The following ZNF717 variants were observed in gnomAD, a reference collection of about 807,000 sequenced individuals.
ZNF717 encodes zinc finger protein 717.
In ZNF717, 9 loss-of-function variants were observed where a neutral mutation model predicts 13.8. The observed-to-expected ratio is 0.65, with a 90% CI of 0.39 to 1.14. ZNF717 has a LOEUF of 1.14. ZNF717 is among the 50% of genes most tolerant of loss of function. The probability of loss-of-function intolerance (pLI) is 0.01; values close to 1 mark genes in which losing one functional copy is unlikely to be tolerated. For synonymous variants in ZNF717, 327 were observed against 364.1 expected (o/e 0.90, Z 1.16); for missense variants, 1,040 against 1,080.7 (o/e 0.96, Z 0.53).
At chr3:75,730,888 T>C (rs80161091), downstream of ZNF717, among the ~76,000 whole-genome samples, 1 of 152,246 alleles carries the variant, frequency 6.6e-6, no homozygotes, top group Non-Finnish European at 1.5e-5. Flanking sequence ...ATTGTCCACA[T>C]AGGCATTAAG....
downstream of ZNF717, among the ~76,000 whole-genome samples, chr3:75,728,594 GATA>G (rs139851904): frequency 0.35 from 52,961 of 150,644 alleles, 4,145 homozygotes; most frequent in South Asian, 0.49. Context: ...CTGTTCTCAT[GATA>G]ATGAGTCACA....
chr3:75,706,532 G>T (rs1937806150), downstream of ZNF717, among the ~76,000 whole-genome samples: 1 of 152,312 alleles, frequency 6.6e-6, no homozygotes, highest in Admixed American at 6.5e-5. Flanking sequence ...GCCTCACAGA[G>T]GAGGTGAGAA....
intron 2 of ZNF717, among the ~76,000 whole-genome samples, chr3:75,778,174 G>GC (rs1944484415): frequency 6.6e-6 from 1 of 151,636 alleles, no homozygotes; most frequent in African/African-American, 2.4e-5. Flanking sequence ...GGAGTGACCT[G>GC]CTAAACTAGA....
rs879214068 is a variant in ZNF717, at chr3:75,738,199, C to G, written c.1424G>C (p.Gly475Ala). 1 of 1,560,400 alleles carries G rather than the reference C, an allele frequency of 6.4e-7. No homozygotes were observed. The highest frequency in any genetic ancestry group is 2.4e-5 in the East Asian group (1 of 41,666). ...TTCATTGCATTCATAGGGTTTTTCCCCTGTGTGAGTTCTCTGATGTAACCT... is the reference window on the plus strand; with the variant it reads ...TTCATTGCATTCATAGGGTTTTTCCGCTGTGTGAGTTCTCTGATGTAACCT... ...NLRLHQRTHTGEKPYECNECG... is the reference protein window; with the variant it reads ...NLRLHQRTHTAEKPYECNECG... The change falls in exon 5 of 5, where the codon GGG becomes GCG. Residue 475 changes from glycine (G) to alanine (A), a missense_variant. By Grantham distance (60) the Gly-to-Ala change is moderately conservative. This residue lies in a region of ZNF717 where 873 missense variants were observed against 832.8 expected (regional missense o/e 1.05). Coordinates refer to ENST00000652011, the MANE Select transcript of ZNF717 (RefSeq NM_001290208.3).
rs1939160424 is a variant in ZNF717 at position 75,736,079 on chromosome 3, T to C, written c.*799A>G. 6.6e-6 allele frequency: 1 copy of C among 152,250 alleles called. No homozygotes were observed. Among genetic ancestry groups the C allele is most frequent in the African/African-American group, 2.4e-5 (1 of 41,460 alleles). 9.4% of individuals were successfully genotyped at this position (152,250 alleles called of 1,614,324 possible). ...ATGATCTGTGATCAGTGATTTCTGATGTTACTAATGGAATTGTCTCAGCGT... is the reference window on the plus strand; with the variant it reads ...ATGATCTGTGATCAGTGATTTCTGACGTTACTAATGGAATTGTCTCAGCGT... On this transcript the variant is annotated 3_prime_UTR_variant, in exon 5 of 5. Coordinates refer to ENST00000652011, the MANE Select transcript of ZNF717 (RefSeq NM_001290208.3).
At chr3:75,703,922 C>T (rs1405451110) in intron 6 of ZNF717, among the ~76,000 whole-genome samples, 9 of 152,084 alleles carry the variant, frequency 5.9e-5, no homozygotes, top group Non-Finnish European at 8.9e-5. Context: ...TTTAGCTGGC[C>T]ACAAATTACA....
chr3:75,776,179 GC>G, intron 2 of ZNF717, among the ~76,000 whole-genome samples: 1 of 152,382 alleles, frequency 6.6e-6, no homozygotes, highest in African/African-American at 2.4e-5. Flanking sequence ...AGTCCTTAAA[GC>G]TTCTGTTATT....
chr3:75,745,226 G>C (rs1941028087), intron 2 of ZNF717, among the ~76,000 whole-genome samples: 1 of 147,206 alleles, frequency 6.8e-6, no homozygotes, highest in Admixed American at 6.9e-5. Flanking sequence ...ATATGACATT[G>C]CAAGTTTTTG....
At chr3:75,744,814 C>T (rs143341145) in intron 2 of ZNF717, among the ~76,000 whole-genome samples, 2 of 149,306 alleles carry the variant, frequency 1.3e-5, no homozygotes, top group Non-Finnish European at 3.0e-5. Flanking sequence ...AAGGCTTGTC[C>T]ACAGGAGAAA....
intron 6 of ZNF717, among the ~76,000 whole-genome samples, chr3:75,701,239 C>G (rs1937689295): frequency 6.6e-6 from 1 of 152,426 alleles, no homozygotes; most frequent in Non-Finnish European, 1.5e-5. Context: ...GGGACTCTTC[C>G]CCCTTTGCTT....
intron 2 of ZNF717, among the ~76,000 whole-genome samples, chr3:75,769,606 T>C (rs917656281): frequency 1.8e-4 from 27 of 152,218 alleles, no homozygotes; most frequent in African/African-American, 6.5e-4. Flanking sequence ...AAACATGGCA[T>C]GTGGAGATTT....
intron 2 of ZNF717, among the ~76,000 whole-genome samples, chr3:75,772,484 C>A (rs537158047): frequency 1.3e-5 from 2 of 152,216 alleles, no homozygotes; most frequent in African/African-American, 2.4e-5. Context: ...TGGGGCTCTG[C>A]AGTTCCTGCA....
chr3:75,731,561 A>T (rs1270153682), downstream of ZNF717, among the ~76,000 whole-genome samples: 8 of 65,712 alleles, frequency 1.2e-4, no homozygotes, highest in Non-Finnish European at 1.8e-4. Flanking sequence ...AGTCCATCTC[A>T]AAAAAAGGAA....
chr3:75,754,234 A>G (rs77893695), intron 2 of ZNF717, among the ~76,000 whole-genome samples: 13,002 of 109,212 alleles, frequency 0.12, no homozygotes, highest in Non-Finnish European at 0.17. Flanking sequence ...AGAAGAGAGC[A>G]TCACCTGCCC....
intron 5 of ZNF717, among the ~76,000 whole-genome samples, chr3:75,715,146 A>T (rs1287528835): frequency 4.6e-5 from 7 of 152,252 alleles, no homozygotes; most frequent in Non-Finnish European, 1.0e-4. Flanking sequence ...AGCAGTTTCC[A>T]TGGCAGTTTG....
At chr3:75,725,228 G>A (rs1327128256), downstream of ZNF717, among the ~76,000 whole-genome samples, 3 of 136,310 alleles carry the variant, frequency 2.2e-5, no homozygotes, top group Non-Finnish European at 4.6e-5. Context: ...CTCACTTCCC[G>A]TTATCTTGTT....
chr3:75,761,150 C>G (rs1426941178), intron 2 of ZNF717, among the ~76,000 whole-genome samples: 1 of 152,160 alleles, frequency 6.6e-6, no homozygotes, highest in Admixed American at 6.5e-5. Context: ...TAATCAAAAA[C>G]CCCCCAAAAA....
intron 5 of ZNF717, among the ~76,000 whole-genome samples, chr3:75,712,448 T>C (rs1937960535): frequency 6.6e-6 from 1 of 152,262 alleles, no homozygotes; most frequent in African/African-American, 2.4e-5. Flanking sequence ...AAGACTTTTC[T>C]AATTTTATTT....
At chr3:75,719,974 AATAATAAT>A (rs1938136811) in intron 4 of ZNF717, among the ~76,000 whole-genome samples, 5 of 50,372 alleles carry the variant, frequency 9.9e-5, no homozygotes, top group African/African-American at 3.6e-4. Flanking sequence ...AATAATAAAT[AATAATAAT>A]AATAATAATA....
Sources: allele counts gnomAD v4.1 joint callset (sites outside exome capture counted in the v4.1 genomes callset), GRCh38; gene constraint gnomAD v4.1.1; regional missense constraint gnomAD v4.1.1; transcripts MANE v1.5; gene names NCBI Gene and HGNC (gene_info 2026-07-23, HGNC 2026-07-21).